The following C2CD3 variants were observed in gnomAD, a reference collection of about 807,000 sequenced individuals.
C2CD3 encodes C2 domain containing 3 centriole elongation regulator, also known as C2 domain-containing protein 3.
A neutral mutation model predicts 234.0 loss-of-function variants in C2CD3; 148 were observed. That is an observed-to-expected ratio of 0.63 (90% CI 0.55 to 0.72). The LOEUF is 0.72. C2CD3 is among the 30% of genes least tolerant of loss of function. The probability of loss-of-function intolerance (pLI) is 0.00; values close to 1 mark genes in which losing one functional copy is unlikely to be tolerated. For missense variants in C2CD3, 2,577 were observed against 2,811.5 expected, an observed-to-expected ratio of 0.92 and a Z score of 1.89; for synonymous variants, 1,000 against 1,035.4, an observed-to-expected ratio of 0.97 and a Z score of 0.66.
At position 74,103,411 on chromosome 11, in the gene C2CD3, T is replaced by A; in HGVS notation, c.2300A>T (p.Asn767Ile). The A allele has an allele frequency of 1.2e-6, 2 of 1,614,172 alleles. No homozygotes were observed. Among genetic ancestry groups the A allele is most frequent in the Middle Eastern group, 1.6e-4 (1 of 6,062 alleles). ...TGCTACAGGGCTTGGTGACTTTCGG[T>A]TGGGGAGCACCAAGTTCTGTGCTTT... ...AKKAQNLVLP[N>I]RKSPSPVAPH... Residue 767 changes from asparagine to isoleucine, a missense_variant, in exon 14 of 33, where the codon AAC becomes ATC. Physicochemically the swap from Asn to Ile is moderately radical, Grantham distance 149. Coordinates refer to ENST00000334126, the MANE Select transcript of C2CD3 (RefSeq NM_001286577.2).
At chr11:74,048,116 T>A in intron 28 of C2CD3, 89 bp downstream of exon 28, 1 of 1,393,344 alleles carries the variant, frequency 7.2e-7, no homozygotes, top group Non-Finnish European at 9.8e-7. Context: ...TGTTTTTTCC[T>A]CTAATAAAGG....
chr11:74,057,470 G>A lies in C2CD3; in HGVS notation c.5026C>T (p.Pro1676Ser). ...VSFATADESS[P>S]VYTQVVENTD... ...TTTTCAACCACTTGGGTGTATACAG[G>A]AGATGACTCATCGGCTGTTGCAAAG... is the stretch of plus-strand genomic sequence containing the variant. Residue 1676 changes from proline to serine, a missense_variant, in exon 25 of 33, where the codon CCT becomes TCT. Coordinates refer to ENST00000334126, the MANE Select transcript of C2CD3 (RefSeq NM_001286577.2). 1 of 1,613,960 alleles carries A rather than the reference G, an allele frequency of 6.2e-7. No homozygotes were observed. The highest frequency in any genetic ancestry group is 8.5e-7 in the Non-Finnish European group (1 of 1,179,844).
chr11:74,126,323 TA>T (rs1957413208), intron 7 of C2CD3, among the ~76,000 whole-genome samples: 1 of 152,238 alleles, frequency 6.6e-6, no homozygotes, highest in African/African-American at 2.4e-5. Context: ...CTCAGTATTT[TA>T]AAATTTCATA....
At chr11:74,131,347 T>C (rs1342111242) in intron 7 of C2CD3, among the ~76,000 whole-genome samples, 3 of 151,546 alleles carry the variant, frequency 2.0e-5, no homozygotes, top group Non-Finnish European at 2.9e-5. Flanking sequence ...ACTATCTATC[T>C]GTCTATCTCT....
chr11:74,117,566 C>A (rs192788582), intron 9 of C2CD3, among the ~76,000 whole-genome samples: 162 of 151,632 alleles, frequency 1.1e-3, no homozygotes, highest in African/African-American at 3.8e-3. Flanking sequence ...AAGAATGATA[C>A]AATGGACTTT....
At position 74,084,826 on chromosome 11, in the gene C2CD3, T is replaced by C. The variant is rs879126018; in HGVS notation, c.4000+55A>G. The C allele has an allele frequency of 1.8e-4, 179 of 1,020,008 alleles. 5 individuals are homozygous for C. In the South Asian group the frequency reaches 2.1e-3, roughly 12 times the overall value. The allele number at this position is 1,020,008 out of a possible 1,614,324, so 63.2% of individuals were successfully genotyped here. On this transcript the variant is annotated intron_variant, in intron 22 of 32. Transcript: ENST00000334126. Reference sequence around the variant, plus strand: ...GAGAGACAGAGAAGATTACCTCTTGTAGGGAAGTGAAAGGGAAAGGGTGGC... The same window carrying C: ...GAGAGACAGAGAAGATTACCTCTTGCAGGGAAGTGAAAGGGAAAGGGTGGC...
Position 74,023,914 on chromosome 11 carries a change from CATACCAATGA to C in C2CD3, c.6921+4363_6921+4372del, listed in dbSNP as rs543338016. On this transcript the variant is annotated intron_variant, in intron 32 of 32. Transcript: ENST00000334126. ...TTAATGACATATGATTATGTGATTT[CATACCAATGA>C]ATACCAATGAATCTATGTAACAACA... 1.1e-3 allele frequency among the ~76,000 whole-genome samples: 173 copies of C among 152,296 alleles called. 1 individual carries two copies. The highest frequency in any genetic ancestry group is 3.9e-3 in the African/African-American group (162 of 41,552).
intron 32 of C2CD3, among the ~76,000 whole-genome samples, chr11:74,020,888 C>T (rs370532727): frequency 2.6e-5 from 4 of 152,114 alleles, no homozygotes; most frequent in Non-Finnish European, 5.9e-5. Flanking sequence ...ACTGATTTAA[C>T]GTCTTAAAAA....
At chr11:74,092,157 ATTC>A (rs1252862542) in intron 19 of C2CD3, among the ~76,000 whole-genome samples, 1 of 151,664 alleles carries the variant, frequency 6.6e-6, no homozygotes, top group African/African-American at 2.4e-5. Context: ...GGTTCAAGCA[ATTC>A]TTCTGCCTCA....
At chr11:74,117,520 A>T (rs960060400) in intron 9 of C2CD3, among the ~76,000 whole-genome samples, 3 of 151,540 alleles carry the variant, frequency 2.0e-5, no homozygotes, top group African/African-American at 7.3e-5. Context: ...GTTCTCACTC[A>T]TAAGTGGAAG....
intron 8 of C2CD3, among the ~76,000 whole-genome samples, chr11:74,120,576 C>T (rs1482713019): frequency 7.2e-5 from 11 of 152,102 alleles, no homozygotes; most frequent in Non-Finnish European, 1.0e-4. Flanking sequence ...TGAATAGTGC[C>T]GCAATAAACA....
At chr11:74,117,097 T>C (rs1957017133) in intron 9 of C2CD3, among the ~76,000 whole-genome samples, 1 of 64,788 alleles carries the variant, frequency 1.5e-5, no homozygotes, top group Non-Finnish European at 2.7e-5. Context: ...AATATATATA[T>C]ATGAATATAT....
intron 3 of C2CD3, among the ~76,000 whole-genome samples, chr11:74,160,150 A>C (rs550380088): frequency 7.5e-4 from 114 of 152,302 alleles, no homozygotes; most frequent in Non-Finnish European, 1.3e-3. Context: ...TATACCATTT[A>C]GGCTTGTGTC....
intron 32 of C2CD3, among the ~76,000 whole-genome samples, chr11:74,019,735 G>A (rs1316531975): frequency 6.6e-6 from 1 of 151,866 alleles, no homozygotes; most frequent in Non-Finnish European, 1.5e-5. Context: ...GAAGTGCAGT[G>A]GCACCATCTT....
intron 5 of C2CD3, among the ~76,000 whole-genome samples, chr11:74,138,011 CTT>C (rs1957926064): frequency 6.6e-6 from 1 of 152,182 alleles, no homozygotes. Flanking sequence ...ATTTAAAAGA[CTT>C]TTCTGATGCT....
At position 74,079,869 on chromosome 11, in the gene C2CD3, T is replaced by C. The variant is rs184860369; in HGVS notation, c.4001-1152A>G. On this transcript the variant is annotated intron_variant, in intron 22 of 32. Coordinates refer to ENST00000334126, the MANE Select transcript of C2CD3 (RefSeq NM_001286577.2). ...TAGAAAGGTAATAGAGTACATAAAC[T>C]GAATATTATATAATATTATATATCA... Among the ~76,000 whole-genome samples the C allele has an allele frequency of 3.9e-4, 60 of 152,228 alleles. 1 individual carries two copies. The highest frequency in any genetic ancestry group is 1.4e-3 in the African/African-American group (58 of 41,534).
intron 22 of C2CD3, among the ~76,000 whole-genome samples, chr11:74,080,422 A>G (rs1391092152): frequency 6.6e-6 from 1 of 152,144 alleles, no homozygotes; most frequent in Non-Finnish European, 1.5e-5. Flanking sequence ...CCACAGCTTA[A>G]TGGTTCTTAA....
intron 7 of C2CD3, 90 bp downstream of exon 7, chr11:74,132,754 T>TGTAAA: frequency 3.9e-6 from 5 of 1,285,654 alleles, no homozygotes; most frequent in Non-Finnish European, 5.5e-6. Flanking sequence ...TCTAAGGACA[T>TGTAAA]GTTACTTTAG....
At position 74,118,310 on chromosome 11, in the gene C2CD3, A is replaced by G; in HGVS notation, c.1438T>C (p.Ser480Pro). 2 of 1,613,138 alleles carry G rather than the reference A, an allele frequency of 1.2e-6. No homozygotes were observed. The highest frequency in any genetic ancestry group is 1.7e-6 in the Non-Finnish European group (2 of 1,179,162). ...DIVPSKKISQ[S>P]TALARSSKVL... ...TTAGATGATCTGGCAAGAGCTGTTG[A>G]CTGGCTTATTTTTTTAGAAGGGACG... The change falls in exon 9 of 33, where the codon TCA becomes CCA. Residue 480 changes from serine to proline, a missense_variant. Transcript: ENST00000334126.
Sources: gnomAD v4.1 joint callset for allele counts (sites outside exome capture counted in the v4.1 genomes callset) on GRCh38, gnomAD v4.1.1 for gene constraint, MANE v1.5 for transcripts, NCBI Gene and HGNC (gene_info 2026-07-23, HGNC 2026-07-21) for gene names.